The following PLOD1 variants were observed in gnomAD, a reference collection of about 807,000 sequenced individuals.
PLOD1 encodes the protein procollagen-lysine,2-oxoglutarate 5-dioxygenase 1, also known as lysine hydroxylase.
A neutral mutation model predicts 94.7 loss-of-function variants in PLOD1; 70 were observed. The ratio of observed to expected loss-of-function variants is 0.74; its 90% CI spans 0.61 to 0.90. The LOEUF (loss-of-function observed/expected upper bound fraction) is 0.90. Among genes scored for constraint, PLOD1 ranks in the 40% least tolerant of loss-of-function variants. The pLI, the probability that PLOD1 is intolerant of heterozygous loss-of-function variation, is 0.00. For missense variants in PLOD1, 905 were observed against 972.7 expected, an observed-to-expected ratio of 0.93 and a Z score of 0.93; for synonymous variants, 417 against 400.2, an observed-to-expected ratio of 1.04 and a Z score of -0.50.
At position 11,972,935 on chromosome 1, in the gene PLOD1, C is replaced by T; in HGVS notation, c.1966C>T (p.His656Tyr). 1 of 1,614,102 alleles carries T rather than the reference C, an allele frequency of 6.2e-7. No homozygotes were observed. The highest frequency in any genetic ancestry group is 8.5e-7 in the Non-Finnish European group (1 of 1,179,950). ...KPDEQPSLMP[H>Y]HDASTFTINI... ...TGATGAGCAGCCCTCACTGATGCCA[C>T]ACCATGATGCCTCCACCTTCACCAT... The change falls in exon 18 of 19, where the codon CAC becomes TAC. Residue 656 changes from histidine to tyrosine, a missense_variant. Transcript: ENST00000196061. This position sits in a 1 kb window ranked among gnomAD's most constrained non-coding sequence, Gnocchi z 4.6.
Position 11,934,874 on chromosome 1 carries a change from G to GGGGCGGGAGCGCGGATCC in PLOD1, c.76+29_76+46dup. Reference sequence around the variant, plus strand: ...CCGGAGGGTGAGGGAGCGAAGGCCGGGGGCGGGAGCGCGGATCCGGGCGGG... The same window carrying GGGGCGGGAGCGCGGATCC: ...CCGGAGGGTGAGGGAGCGAAGGCCGGGGGCGGGAGCGCGGATCCGGGCGGGAGCGCGGATCCGGGCGGG... On this transcript the variant is annotated intron_variant, in intron 1 of 18. Transcript: ENST00000196061. The GGGGCGGGAGCGCGGATCC allele has an allele frequency of 1.3e-6, 2 of 1,533,580 alleles. No homozygotes were observed. The highest frequency in any genetic ancestry group is 1.7e-6 in the Non-Finnish European group (2 of 1,143,780). 95.0% of individuals were successfully genotyped at this position (1,533,580 alleles called of 1,614,324 possible).
At position 11,974,812 on chromosome 1, in the gene PLOD1, G is replaced by T. The variant is rs750397415; in HGVS notation, c.*4G>T. 5.0e-6 allele frequency: 8 copies of T among 1,613,916 alleles called. No homozygotes were observed. The highest frequency in any genetic ancestry group is 6.8e-6 in the Non-Finnish European group (8 of 1,179,970). ...AGTCTCCTTCGTCGATCCCTAATTG[G>T]CCAGGCCTGACCCTCTTGGACCTTT... On this transcript the variant is annotated 3_prime_UTR_variant, in exon 19 of 19. Transcript: ENST00000196061.
In PLOD1 at chr1:11,957,828, C is replaced by T. The variant is rs779054575; in HGVS notation, c.742-14C>T. The T allele has an allele frequency of 2.3e-5, 36 of 1,598,776 alleles. No homozygotes were observed. The highest frequency in any genetic ancestry group is 3.3e-5 in the Admixed American group (2 of 59,966). On this transcript the variant is annotated splice_polypyrimidine_tract_variant and intron_variant, in intron 7 of 18. Coordinates refer to ENST00000196061, the MANE Select transcript of PLOD1 (RefSeq NM_000302.4). This position sits in a 1 kb window ranked among gnomAD's most constrained non-coding sequence, Gnocchi z 4.1. ...GCTGGCTGGCTTCTCTGTGACCCCA[C>T]GTCTCCCCGACAGCTGCAGTTGAAC...
At chr1:11,942,296 C>T (rs1645620873) in intron 1 of PLOD1, among the ~76,000 whole-genome samples, 2 of 152,116 alleles carry the variant, frequency 1.3e-5, no homozygotes, top group East Asian at 3.8e-4. Context: ...TCAGGCCTCA[C>T]GTAGCTGCTT....
intron 14 of PLOD1, among the ~76,000 whole-genome samples, chr1:11,965,920 C>T (rs1346582474): frequency 6.6e-6 from 1 of 152,202 alleles, no homozygotes; most frequent in African/African-American, 2.4e-5. Flanking sequence ...CTGTCCCAGC[C>T]TGTCTTACCC....
intron 6 of PLOD1, among the ~76,000 whole-genome samples, chr1:11,955,934 A>G (rs1007848231): frequency 2.0e-5 from 3 of 151,594 alleles, no homozygotes; most frequent in Non-Finnish European, 2.9e-5. Context: ...CCCTATTTTA[A>G]TTTTTAAAAT....
At chr1:11,966,897 C>T in intron 15 of PLOD1, 90 bp from the exon 16 acceptor site, 1 of 841,638 alleles carries the variant, frequency 1.2e-6, no homozygotes, top group Admixed American at 1.7e-5. Context: ...ACTGGGAGGG[C>T]TCCCTGGCTT....
chr1:11,966,153 C>G (rs367670350), intron 14 of PLOD1, 98 bp from the exon 15 acceptor site: 1 of 863,716 alleles, frequency 1.2e-6, no homozygotes, highest in African/African-American at 1.7e-5. Context: ...CTCTGTCAAG[C>G]ACGTACACCT....
At position 11,957,907 on chromosome 1, in the gene PLOD1, G is replaced by A; in HGVS notation, c.807G>A (p.Val269=). 3 of 1,614,048 alleles carry A rather than the reference G, an allele frequency of 1.9e-6. No individual in the cohort carries two copies. The highest frequency in any genetic ancestry group is 2.5e-6 in the Non-Finnish European group (3 of 1,179,920). The part of the protein sequence containing the change: ...RFWTFETGCT[V]CDEGLRSLKG... The stretch of plus-strand genomic sequence containing the variant: ...GGACCTTCGAAACAGGCTGCACCGT[G>A]TGTGACGAAGGCTTGCGCAGCCTCA... The change falls in exon 8 of 19, where the codon GTG becomes GTA. Residue 269 remains valine, a synonymous_variant. Transcript: ENST00000196061. This position sits in a 1 kb window ranked among gnomAD's most constrained non-coding sequence, Gnocchi z 4.1.
At chr1:11,949,965 A>G (rs940898094) in intron 3 of PLOD1, 59 bp downstream of exon 3, 8 of 1,558,146 alleles carry the variant, frequency 5.1e-6, no homozygotes, top group Admixed American at 3.3e-5. Flanking sequence ...AGAATATTCT[A>G]AAATGAGGCC....
At position 11,947,039 on chromosome 1, in the gene PLOD1, C is replaced by T. The variant is rs59018373; in HGVS notation, c.77-937C>T. Among the ~76,000 whole-genome samples, 953 of 152,114 alleles carry T rather than the reference C, an allele frequency of 6.3e-3. 13 individuals carry two copies. The highest frequency in any genetic ancestry group is 0.02 in the African/African-American group (830 of 41,484). ...ATCCTGGCACTTTGGGAGGCCAAGG[C>T]GTGTGGATCATTTGCGGTCAGGAGT... is the stretch of plus-strand genomic sequence containing the variant. On this transcript the variant is annotated intron_variant, in intron 1 of 18. Coordinates refer to ENST00000196061, the MANE Select transcript of PLOD1 (RefSeq NM_000302.4).
At position 11,952,528 on chromosome 1, in the gene PLOD1, T is replaced by C. The variant is rs938265954; in HGVS notation, c.467-95T>C. ...GTGACAGGGTTTGTGGGCATATGAG[T>C]GGAGGTGGATAAGAGGGAAGGGTGG... On this transcript the variant is annotated intron_variant, in intron 4 of 18. Transcript: ENST00000196061. 4.7e-6 allele frequency: 4 copies of C among 858,082 alleles called. No individual in the cohort carries two copies. In the African/African-American group the frequency reaches 6.7e-5, roughly 14 times the overall value. The allele number at this position is 858,082 out of a possible 1,614,324, so 53.2% of individuals were successfully genotyped here.
At chr1:11,951,635 TAA>T in intron 4 of PLOD1, among the ~76,000 whole-genome samples, 1 of 146,220 alleles carries the variant, frequency 6.8e-6, no homozygotes, top group East Asian at 2.0e-4. Context: ...ATAATATATA[TAA>T]TATATATATT....
chr1:11,959,731 C>T (rs533020671), intron 9 of PLOD1, among the ~76,000 whole-genome samples: 1 of 151,478 alleles, frequency 6.6e-6, no homozygotes, highest in South Asian at 2.1e-4. Context: ...CATTCTCCTG[C>T]CTCAGCCTCC....
chr1:11,962,274 C>CTTTTT (rs780613164), intron 10 of PLOD1, among the ~76,000 whole-genome samples: 34 of 99,068 alleles, frequency 3.4e-4, no homozygotes, highest in Admixed American at 4.7e-4. Context: ...TTTTTGTTTT[C>CTTTTT]TTTTTTTTTT....
At position 11,963,451 on chromosome 1, in the gene PLOD1, G is replaced by A; in HGVS notation, c.1098-81G>A. 1 of 910,446 alleles carries A rather than the reference G, an allele frequency of 1.1e-6. No individual in the cohort carries two copies. The highest frequency in any genetic ancestry group is 1.4e-5 in the South Asian group (1 of 71,348). 56.4% of individuals were successfully genotyped at this position (910,446 alleles called of 1,614,324 possible). On this transcript the variant is annotated intron_variant, in intron 10 of 18. Transcript: ENST00000196061. The surrounding 1 kb of genome is among the most constrained non-coding windows in gnomAD (Gnocchi z 4.3). ...AGCCCCTTGGCTGATATGTGGTGAA[G>A]CCAGACTGTGGTCACAGATGTGAGC...
intron 2 of PLOD1, 35 bp downstream of exon 2, chr1:11,948,102 G>T: frequency 7.1e-7 from 1 of 1,401,918 alleles, no homozygotes; most frequent in Non-Finnish European, 1.0e-6. Flanking sequence ...GAGACAGTGA[G>T]GGGTGGCAGG....
In PLOD1 at chr1:11,972,205, CCTTCCT is replaced by C. The variant is rs374572593; in HGVS notation, c.1903-664_1903-659del. 0.027 allele frequency: 3,496 copies of C among 129,072 alleles called. 109 individuals carry two copies. The highest frequency in any genetic ancestry group is 0.098 in the African/African-American group (3,108 of 31,766). 8.0% of individuals were successfully genotyped at this position (129,072 alleles called of 1,614,324 possible). A position where few individuals can be genotyped will look rare whatever the true frequency, so the allele number is the denominator to read the frequency against. ...CGTTCCTTTCTTCCCTTCCTTCCTTCCTTCCTCTCTCTCTCTCTCTCTCTTTCTTTC... is the reference window on the plus strand; with the variant it reads ...CGTTCCTTTCTTCCCTTCCTTCCTTCCTCTCTCTCTCTCTCTCTTTCTTTC... On this transcript the variant is annotated intron_variant, in intron 17 of 18. Coordinates refer to ENST00000196061, the MANE Select transcript of PLOD1 (RefSeq NM_000302.4). This position sits in a 1 kb window ranked among gnomAD's most constrained non-coding sequence, Gnocchi z 4.6.
At chr1:11,968,692 T>C (rs1645839541) in intron 16 of PLOD1, among the ~76,000 whole-genome samples, 1 of 151,518 alleles carries the variant, frequency 6.6e-6, no homozygotes, top group African/African-American at 2.4e-5. Context: ...TTTTGTATAT[T>C]TAGTAGAGAT....
Sources: allele counts gnomAD v4.1 joint callset (sites outside exome capture counted in the v4.1 genomes callset), GRCh38; gene constraint gnomAD v4.1.1; non-coding constraint Gnocchi (gnomAD v3.1); transcripts MANE v1.5; gene names NCBI Gene and HGNC (gene_info 2026-07-23, HGNC 2026-07-21).